The following PLPPR5 variants were observed in gnomAD, a reference collection of about 807,000 sequenced individuals.
PLPPR5 encodes phospholipid phosphatase-related protein type 5.
PLPPR5 carries 16 observed loss-of-function variants against 33.9 expected under a neutral mutation model. That is an observed-to-expected ratio of 0.47 (90% confidence interval 0.32 to 0.72). The LOEUF (loss-of-function observed/expected upper bound fraction) is 0.72. Ranked by LOEUF, PLPPR5 falls within the 30% of genes least tolerant of loss-of-function variation. The pLI is 0.03. For missense variants in PLPPR5, 301 were observed against 406.7 expected (o/e 0.74, Z 2.23); for synonymous variants, 163 against 150.3 (o/e 1.08, Z -0.62).
intron 3 of PLPPR5, among the ~76,000 whole-genome samples, chr1:98,935,872 C>T (rs1457766104): frequency 6.6e-6 from 1 of 152,178 alleles, no homozygotes; most frequent in Non-Finnish European, 1.5e-5. Flanking sequence ...AAATCCCACT[C>T]TCTTCCAAAA....
At chr1:98,940,965 C>T (rs1014393250) in intron 3 of PLPPR5, among the ~76,000 whole-genome samples, 3 of 151,736 alleles carry the variant, frequency 2.0e-5, no homozygotes, top group South Asian at 2.1e-4. Flanking sequence ...ATCATGGTTT[C>T]GGTTTTTGAA....
chr1:98,923,707 G>A (rs912924938), intron 3 of PLPPR5, among the ~76,000 whole-genome samples: 6 of 152,146 alleles, frequency 3.9e-5, no homozygotes, highest in Non-Finnish European at 7.4e-5. Flanking sequence ...TGTGACCTTC[G>A]GAGCTGGGTC....
chr1:98,962,930 T>A (rs1303970856), intron 1 of PLPPR5, among the ~76,000 whole-genome samples: 1 of 152,206 alleles, frequency 6.6e-6, no homozygotes, highest in African/African-American at 2.4e-5. Flanking sequence ...ATTACAGGCA[T>A]GAGCCACCAC....
intron 2 of PLPPR5, among the ~76,000 whole-genome samples, chr1:98,955,482 C>T (rs1650970203): frequency 6.6e-6 from 1 of 151,992 alleles, no homozygotes; most frequent in Non-Finnish European, 1.5e-5. Flanking sequence ...AGTATTGATA[C>T]ATGTGAAAAA....
intron 1 of PLPPR5, among the ~76,000 whole-genome samples, chr1:98,970,713 T>G (rs1055728808): frequency 6.6e-6 from 1 of 151,688 alleles, no homozygotes; most frequent in African/African-American, 2.4e-5. Flanking sequence ...CACAAAGAGG[T>G]TAAGTAATTT....
chr1:98,929,413 G>T (rs946145018), intron 3 of PLPPR5, among the ~76,000 whole-genome samples: 4 of 152,152 alleles, frequency 2.6e-5, no homozygotes, highest in African/African-American at 9.7e-5. Context: ...AAAATCAAGA[G>T]TAAACATCCA....
rs943633577 is a variant in PLPPR5, at chr1:98,992,482, T to C, written c.237+11953A>G. ...ATATTCTATATGTTACTTATACTGT[T>C]ATATTATGCTATGTGAAAATCACAC... On this transcript the variant is annotated intron_variant, in intron 1 of 5. Coordinates refer to ENST00000263177, the MANE Select transcript of PLPPR5 (RefSeq NM_001037317.2). 6.8e-4 allele frequency among the ~76,000 whole-genome samples: 103 copies of C among 152,180 alleles called. 3 individuals carry two copies. The highest frequency in any genetic ancestry group is 1.3e-4 in the Non-Finnish European group (9 of 68,020).
chr1:98,956,746 A>G lies in PLPPR5; in HGVS notation c.238-5T>C, dbSNP rs987637077. 23 of 1,534,580 alleles carry G rather than the reference A, an allele frequency of 1.5e-5. No individual in the cohort carries two copies. The highest frequency in any genetic ancestry group is 1.6e-5 in the Non-Finnish European group (18 of 1,142,966). ...AGCAGTTTCTCCAACTATTATCTTG[A>G]AAGAAAATAAAAGATTAAGGAATAT... On this transcript the variant is annotated splice_polypyrimidine_tract_variant and splice_region_variant and intron_variant, in intron 1 of 5. Coordinates refer to ENST00000263177, the MANE Select transcript of PLPPR5 (RefSeq NM_001037317.2).
intron 2 of PLPPR5, among the ~76,000 whole-genome samples, chr1:98,955,361 C>G (rs1650964879): frequency 6.6e-6 from 1 of 152,012 alleles, no homozygotes; most frequent in Admixed American, 6.6e-5. Context: ...ATTTGCTTAA[C>G]AGTATTTAGG....
At chr1:98,918,198 G>A (rs923342922) in intron 4 of PLPPR5, among the ~76,000 whole-genome samples, 5 of 152,142 alleles carry the variant, frequency 3.3e-5, no homozygotes, top group Non-Finnish European at 7.3e-5. Context: ...GGTCAAACTG[G>A]TCTGGATCAT....
chr1:98,967,461 G>A (rs757345340), intron 1 of PLPPR5, among the ~76,000 whole-genome samples: 1 of 152,136 alleles, frequency 6.6e-6, no homozygotes, highest in Non-Finnish European at 1.5e-5. Flanking sequence ...AAATGAAGAA[G>A]GGATGAGATT....
At chr1:98,915,035 G>A (rs1209820169) in intron 4 of PLPPR5, 115 bp from the exon 5 acceptor site, 1 of 877,102 alleles carries the variant, frequency 1.1e-6, no homozygotes. Flanking sequence ...TTACTTAAAT[G>A]TTACACGTAT....
At chr1:98,993,328 T>C (rs1023768569) in intron 1 of PLPPR5, among the ~76,000 whole-genome samples, 1 of 152,050 alleles carries the variant, frequency 6.6e-6, no homozygotes, top group Non-Finnish European at 1.5e-5. Flanking sequence ...AGAAAGAGCC[T>C]GATAGTGTGG....
intron 4 of PLPPR5, among the ~76,000 whole-genome samples, chr1:98,917,803 TTTGA>T (rs1268710620): frequency 1.3e-5 from 2 of 152,230 alleles, no homozygotes; most frequent in Non-Finnish European, 2.9e-5. Flanking sequence ...AAAGTAATAC[TTTGA>T]TTGATGTGTC....
At chr1:98,957,660 C>G (rs1453683709) in intron 1 of PLPPR5, among the ~76,000 whole-genome samples, 1 of 152,082 alleles carries the variant, frequency 6.6e-6, no homozygotes, top group Non-Finnish European at 1.5e-5. Flanking sequence ...TTGAGAGCCT[C>G]CTGTTCTGAG....
intron 2 of PLPPR5, among the ~76,000 whole-genome samples, chr1:98,955,501 T>C (rs12058608): frequency 6.6e-6 from 1 of 152,102 alleles, no homozygotes; most frequent in Admixed American, 6.6e-5. Flanking sequence ...AAATAACTTT[T>C]AAGGTTTCAT....
chr1:98,893,739 C>G (rs1309433723), intron 5 of PLPPR5, among the ~76,000 whole-genome samples: 1 of 146,302 alleles, frequency 6.8e-6, no homozygotes, highest in Non-Finnish European at 1.5e-5. Context: ...TGCTGAAATA[C>G]TGCAATGAAA....
At chr1:98,996,197 A>G (rs1382798980) in intron 1 of PLPPR5, among the ~76,000 whole-genome samples, 1 of 152,048 alleles carries the variant, frequency 6.6e-6, no homozygotes, top group Non-Finnish European at 1.5e-5. Flanking sequence ...TGAGGGAAGC[A>G]TAATAGAGGT....
chr1:98,998,561 G>C (rs1224373992), intron 1 of PLPPR5, among the ~76,000 whole-genome samples: 3 of 152,078 alleles, frequency 2.0e-5, no homozygotes. Context: ...TTGAAATCGA[G>C]GATAAAAGGT....
Sources: allele counts gnomAD v4.1 joint callset (sites outside exome capture counted in the v4.1 genomes callset), GRCh38; gene constraint gnomAD v4.1.1; transcripts MANE v1.5; gene names NCBI Gene and HGNC (gene_info 2026-07-23, HGNC 2026-07-21).